The following EYS variants were observed in gnomAD, a reference collection of about 807,000 sequenced individuals.
EYS encodes the protein protein eyes shut homolog.
A neutral mutation model predicts 282.1 loss-of-function variants in EYS; 250 were observed. The ratio of observed to expected loss-of-function variants is 0.89; its 90% confidence interval spans 0.80 to 0.98. The LOEUF is 0.98. Among genes scored for constraint, EYS ranks in the 50% least tolerant of loss-of-function variants. EYS has a pLI of 0.00. For synonymous variants in EYS, 1,355 were observed against 1,282.9 expected (o/e 1.06, Z -1.20); for missense variants, 4,016 against 3,709.0 (o/e 1.08, Z -2.15).
intron 29 of EYS, among the ~76,000 whole-genome samples, chr6:64,336,306 C>T (rs642049): frequency 0.69 from 104,324 of 151,962 alleles, 35,840 homozygotes; most frequent in South Asian, 0.71. Context: ...TGCAAATAGA[C>T]GCCAAAAGCC....
rs192222173 is a variant in EYS at position 65,408,248 on chromosome 6, T to C, written c.863-2881A>G. Among the ~76,000 whole-genome samples the C allele has an allele frequency of 1.1e-4, 17 of 152,258 alleles. No homozygotes were observed. The East Asian group carries it at 3.1e-3, about 28-fold the overall frequency. On this transcript the variant is annotated intron_variant, in intron 5 of 42. Coordinates refer to ENST00000503581, the MANE Select transcript of EYS (RefSeq NM_001142800.2). ...ATTCATAAGTGATATTGGTCTTTAG[T>C]TTTCTTGTGGCAGCTTTGTCTTTGG...
chr6:64,609,676 G>A (rs1185318140), intron 24 of EYS, among the ~76,000 whole-genome samples: 1 of 152,044 alleles, frequency 6.6e-6, no homozygotes, highest in Non-Finnish European at 1.5e-5. Flanking sequence ...TTGAGGCCAG[G>A]AGTTCCAGAC....
chr6:65,229,171 G>A (rs977516957), intron 12 of EYS, among the ~76,000 whole-genome samples: 4 of 151,910 alleles, frequency 2.6e-5, no homozygotes, highest in African/African-American at 9.7e-5. Flanking sequence ...ATGCTTCATT[G>A]GATAATGCTG....
rs565919049 is a variant in EYS at position 65,640,329 on chromosome 6, A to G, written c.-447-437T>C. On this transcript the variant is annotated intron_variant, in intron 1 of 42. Transcript: ENST00000503581. ...AACTTGGCAGGAAACCTCTAAAATTATATGCAGGATCATATTTGTATTTTC... is the reference window on the plus strand; with the variant it reads ...AACTTGGCAGGAAACCTCTAAAATTGTATGCAGGATCATATTTGTATTTTC... 8.5e-5 allele frequency among the ~76,000 whole-genome samples: 13 copies of G among 152,294 alleles called. No homozygotes were observed. The East Asian group carries it at 2.5e-3, about 29-fold the overall frequency.
chr6:65,569,713 G>A (rs1037143786), intron 2 of EYS, among the ~76,000 whole-genome samples: 8 of 152,006 alleles, frequency 5.3e-5, no homozygotes, highest in Admixed American at 3.9e-4. Context: ...CAACACAAAG[G>A]ACAGCTTTGA....
chr6:65,152,499 G>T (rs757125594), intron 12 of EYS, among the ~76,000 whole-genome samples: 2 of 151,874 alleles, frequency 1.3e-5, no homozygotes, highest in East Asian at 3.9e-4. Context: ...ATGCACAGAA[G>T]GGCAATCAGG....
At chr6:64,071,586 A>ATTT (rs766748677) in intron 32 of EYS, among the ~76,000 whole-genome samples, 15,442 of 150,516 alleles carry the variant, frequency 0.1, 1,426 homozygotes, top group African/African-American at 0.25. Context: ...AAATCAGCTA[A>ATTT]ATCTTAAAGA....
rs557581254 is a variant in EYS at position 63,725,425 on chromosome 6, G to A, written c.8233+1094C>T. On this transcript the variant is annotated intron_variant, in intron 42 of 42. Transcript: ENST00000503581. ...CTTGATTTTCTGCCCTCTTACATAG[G>A]TCCCACTTAACATTAATTTTGAGTT... Among the ~76,000 whole-genome samples, 3 of 152,052 alleles carry A rather than the reference G, an allele frequency of 2.0e-5. No individual in the cohort carries two copies. The East Asian group carries it at 5.8e-4, about 29-fold the overall frequency.
intron 22 of EYS, among the ~76,000 whole-genome samples, chr6:64,642,121 A>T (rs910393882): frequency 4.6e-5 from 7 of 152,192 alleles, no homozygotes; most frequent in Non-Finnish European, 8.8e-5. Context: ...TGCTGAAAGA[A>T]ATCTGGAATC....
chr6:65,121,433 T>TA (rs1302961090), intron 12 of EYS, among the ~76,000 whole-genome samples: 1 of 152,210 alleles, frequency 6.6e-6, no homozygotes, highest in Non-Finnish European at 1.5e-5. Context: ...CTAATTCTGG[T>TA]ACTAGGCTAA....
chr6:65,065,314 T>G (rs1369793111), intron 12 of EYS, among the ~76,000 whole-genome samples: 2 of 152,172 alleles, frequency 1.3e-5, no homozygotes, highest in Non-Finnish European at 2.9e-5. Context: ...TTAGGCCAAC[T>G]AAATTTTTTT....
At chr6:65,379,304 A>C (rs1325012644) in intron 8 of EYS, among the ~76,000 whole-genome samples, 1 of 152,054 alleles carries the variant, frequency 6.6e-6, no homozygotes, top group African/African-American at 2.4e-5. Flanking sequence ...ATGCAAAGAT[A>C]GTTCAACATA....
At chr6:64,229,314 C>T (rs888593561) in intron 31 of EYS, among the ~76,000 whole-genome samples, 2 of 152,008 alleles carry the variant, frequency 1.3e-5, no homozygotes, top group Non-Finnish European at 2.9e-5. Context: ...TAAGACTCCA[C>T]CTAGCACAAA....
chr6:64,924,462 A>G (rs1038674172), intron 15 of EYS, among the ~76,000 whole-genome samples: 1 of 152,222 alleles, frequency 6.6e-6, no homozygotes, highest in Non-Finnish European at 1.5e-5. Context: ...CTTCGGCATT[A>G]ACATTAGGCT....
intron 22 of EYS, among the ~76,000 whole-genome samples, chr6:64,807,892 A>C (rs1764479490): frequency 6.6e-6 from 1 of 152,088 alleles, no homozygotes; most frequent in African/African-American, 2.4e-5. Flanking sequence ...GTCCACAGTA[A>C]TAAGGAGACT....
intron 5 of EYS, among the ~76,000 whole-genome samples, chr6:65,421,966 T>G (rs761785023): frequency 4.0e-5 from 6 of 151,772 alleles, no homozygotes; most frequent in Non-Finnish European, 8.8e-5. Flanking sequence ...AATAAAAAAG[T>G]TTGAAATATT....
intron 2 of EYS, among the ~76,000 whole-genome samples, chr6:65,591,485 C>A (rs144370151): frequency 1.3e-5 from 2 of 151,908 alleles, no homozygotes; most frequent in Admixed American, 1.3e-4. Context: ...AAGAAAACAA[C>A]CCATTTCATA....
chr6:64,641,493 T>C (rs576714659), intron 22 of EYS, among the ~76,000 whole-genome samples: 2 of 152,326 alleles, frequency 1.3e-5, no homozygotes, highest in South Asian at 4.1e-4. Context: ...ACCAAATCAA[T>C]GAATGGGTTC....
intron 12 of EYS, among the ~76,000 whole-genome samples, chr6:65,265,202 A>T (rs553666333): frequency 6.6e-6 from 1 of 152,084 alleles, no homozygotes; most frequent in South Asian, 2.1e-4. Context: ...CATGCCCTAT[A>T]CCCTAGGTAA....
Sources: allele counts gnomAD v4.1 joint callset (sites outside exome capture counted in the v4.1 genomes callset), GRCh38; gene constraint gnomAD v4.1.1; transcripts MANE v1.5; gene names NCBI Gene and HGNC (gene_info 2026-07-23, HGNC 2026-07-21).